Variants in L3MBTL3 observed in about 807,000 individuals in gnomAD.
L3MBTL3 encodes the protein lethal(3)malignant brain tumor-like protein 3.
In L3MBTL3, 27 loss-of-function variants were observed where a neutral mutation model predicts 102.3. That is an observed-to-expected ratio of 0.26 (90% CI 0.19 to 0.36). L3MBTL3 has a LOEUF of 0.36. Among genes scored for constraint, L3MBTL3 ranks in the 10% least tolerant of loss-of-function variants. L3MBTL3 has a pLI of 1.00. For synonymous variants in L3MBTL3, 340 were observed against 320.9 expected, an observed-to-expected ratio of 1.06 and a Z score of -0.64; for missense variants, 798 against 955.3, an observed-to-expected ratio of 0.84 and a Z score of 2.17.
intron 20 of L3MBTL3, among the ~76,000 whole-genome samples, chr6:130,126,881 C>T (rs540507491): frequency 6.6e-6 from 1 of 152,240 alleles, no homozygotes; most frequent in South Asian, 2.1e-4. Flanking sequence ...ATATGAGACT[C>T]AAGTCCAATG....
chr6:130,139,562 A>C (rs753090765), intron 22 of L3MBTL3, 48 bp from the exon 23 acceptor site: 3 of 1,562,756 alleles, frequency 1.9e-6, no homozygotes, highest in East Asian at 4.5e-5. Flanking sequence ...TTTCTACAAC[A>C]CTGCATCTTG....
chr6:130,072,359 G>A (rs1192583561), intron 13 of L3MBTL3, among the ~76,000 whole-genome samples: 1 of 152,120 alleles, frequency 6.6e-6, no homozygotes, highest in Non-Finnish European at 1.5e-5. Context: ...CAATTACTAT[G>A]CCATTTTGTA....
At chr6:130,032,422 C>T (rs1029322502) in intron 2 of L3MBTL3, among the ~76,000 whole-genome samples, 1 of 151,936 alleles carries the variant, frequency 6.6e-6, no homozygotes, top group African/African-American at 2.4e-5. Context: ...GTACCCCAGC[C>T]TGGAAAACAG....
intron 20 of L3MBTL3, among the ~76,000 whole-genome samples, chr6:130,123,886 G>A (rs72993008): frequency 0.033 from 4,953 of 152,202 alleles, 144 homozygotes; most frequent in Non-Finnish European, 0.05. Flanking sequence ...TAGTCAGTGG[G>A]TTTCCTCCTG....
At chr6:130,124,328 C>G (rs145098504) in intron 20 of L3MBTL3, among the ~76,000 whole-genome samples, 87 of 152,258 alleles carry the variant, frequency 5.7e-4, no homozygotes, top group African/African-American at 1.9e-3. Flanking sequence ...AATGGCCCAC[C>G]ACAGATTCAC....
chr6:130,122,711 G>T (rs747547074), intron 20 of L3MBTL3, among the ~76,000 whole-genome samples: 5 of 152,216 alleles, frequency 3.3e-5, no homozygotes, highest in Non-Finnish European at 4.4e-5. Context: ...AAAAGCTTTG[G>T]CCTTTCTTTG....
chr6:130,047,190 A>G (rs534724075), intron 3 of L3MBTL3, among the ~76,000 whole-genome samples: 2 of 152,196 alleles, frequency 1.3e-5, no homozygotes, highest in African/African-American at 2.4e-5. Context: ...ATAATTTTGC[A>G]TATATTTTAT....
At chr6:130,120,226 C>A (rs913263331) in intron 19 of L3MBTL3, among the ~76,000 whole-genome samples, 5 of 151,998 alleles carry the variant, frequency 3.3e-5, no homozygotes, top group African/African-American at 1.2e-4. Context: ...AAAGTAGTTC[C>A]TTTTTTTAAA....
Position 130,133,215 on chromosome 6 carries a change from A to G in L3MBTL3, c.1967-237A>G, listed in dbSNP as rs1787250154. Among the ~76,000 whole-genome samples, 1 of 152,262 alleles carries G rather than the reference A, an allele frequency of 6.6e-6. No homozygotes were observed. Among genetic ancestry groups the G allele is most frequent in the Non-Finnish European group, 1.5e-5 (1 of 68,048 alleles). ...TAAAGAGACAACGTTGAACAACATAATGAAGCATGTCTTTAGTAATGAGTG... is the reference window on the plus strand; with the variant it reads ...TAAAGAGACAACGTTGAACAACATAGTGAAGCATGTCTTTAGTAATGAGTG... On this transcript the variant is annotated intron_variant, in intron 20 of 22. Transcript: ENST00000361794. This position sits in a 1 kb window ranked among gnomAD's most constrained non-coding sequence, Gnocchi z 4.9.
chr6:130,102,026 T>C (rs1002031861), intron 18 of L3MBTL3, among the ~76,000 whole-genome samples: 3 of 152,066 alleles, frequency 2.0e-5, no homozygotes, highest in Admixed American at 6.6e-5. Flanking sequence ...TCTGCTTGGA[T>C]GTCTAATAAA....
At chr6:130,067,900 T>C (rs1782370690) in intron 11 of L3MBTL3, among the ~76,000 whole-genome samples, 1 of 152,188 alleles carries the variant, frequency 6.6e-6, no homozygotes, top group Admixed American at 6.5e-5. Context: ...AAAAAGATTT[T>C]ACCTGTTTCA....
Position 130,140,709 on chromosome 6 carries a change from G to A in L3MBTL3, c.*956G>A, listed in dbSNP as rs1788192414. 1 of 152,232 alleles carries A rather than the reference G, an allele frequency of 6.6e-6. No homozygotes were observed. The allele number at this position is 152,232 out of a possible 1,614,324, so 9.4% of individuals were successfully genotyped here. On this transcript the variant is annotated 3_prime_UTR_variant, in exon 23 of 23. Transcript: ENST00000361794. ...AGACTAAGAGCTCATTCTGTCAACA[G>A]AAACACTAATCTGTACAGAGCGCTG...
chr6:130,024,731 C>A (rs1339128106), intron 2 of L3MBTL3, among the ~76,000 whole-genome samples: 3 of 152,080 alleles, frequency 2.0e-5, no homozygotes, highest in Non-Finnish European at 4.4e-5. Flanking sequence ...TTTTTCTGAG[C>A]TCTTATGGTG....
At chr6:130,081,578 C>A (rs999109197) in intron 14 of L3MBTL3, among the ~76,000 whole-genome samples, 1 of 129,234 alleles carries the variant, frequency 7.7e-6, no homozygotes. Flanking sequence ...GTTACCACAC[C>A]TGGCTATTTT....
chr6:130,081,584 A>ATTT (rs11409755), intron 14 of L3MBTL3, among the ~76,000 whole-genome samples: 7,795 of 145,162 alleles, frequency 0.054, 322 homozygotes, highest in Admixed American at 0.14. Context: ...ACACCTGGCT[A>ATTT]TTTTTTTTTT....
In L3MBTL3 at chr6:130,139,903, T is replaced by C; in HGVS notation, c.*150T>C. 1 of 697,288 alleles carries C rather than the reference T, an allele frequency of 1.4e-6. No individual in the cohort carries two copies. Among genetic ancestry groups the C allele is most frequent in the South Asian group, 1.8e-5 (1 of 55,668 alleles). 43.2% of individuals were successfully genotyped at this position (697,288 alleles called of 1,614,324 possible). On this transcript the variant is annotated 3_prime_UTR_variant, in exon 23 of 23. Transcript: ENST00000361794. ...TATTTATATTACTCAAGAGACAATA[T>C]ATATGAATTCTTATGAAAGTGCTTG...
chr6:130,032,111 A>C (rs1779763271), intron 2 of L3MBTL3, among the ~76,000 whole-genome samples: 1 of 151,918 alleles, frequency 6.6e-6, no homozygotes, highest in South Asian at 2.1e-4. Context: ...GTGGGGTCTC[A>C]CTATGTTGCC....
chr6:130,073,318 T>C (rs1584376025), intron 13 of L3MBTL3, among the ~76,000 whole-genome samples: 1 of 152,160 alleles, frequency 6.6e-6, no homozygotes, highest in South Asian at 2.1e-4. Flanking sequence ...AACTTTAACT[T>C]TGGAAACAGT....
Position 130,139,898 on chromosome 6 carries a change from C to T in L3MBTL3, c.*145C>T, listed in dbSNP as rs1476493970. ...CGGATTATTTATATTACTCAAGAGA[C>T]AATATATATGAATTCTTATGAAAGT... On this transcript the variant is annotated 3_prime_UTR_variant, in exon 23 of 23. Coordinates refer to ENST00000361794, the MANE Select transcript of L3MBTL3 (RefSeq NM_032438.4). 7.2e-6 allele frequency: 5 copies of T among 692,954 alleles called. No individual in the cohort carries two copies. Among genetic ancestry groups the T allele is most frequent in the African/African-American group, 1.8e-5 (1 of 54,604 alleles). The allele number at this position is 692,954 out of a possible 1,614,324, so 42.9% of individuals were successfully genotyped here.
Sources: allele counts gnomAD v4.1 joint callset (sites outside exome capture counted in the v4.1 genomes callset), GRCh38; gene constraint gnomAD v4.1.1; non-coding constraint Gnocchi (gnomAD v3.1); transcripts MANE v1.5; gene names NCBI Gene and HGNC (gene_info 2026-07-23, HGNC 2026-07-21).